MAPK8IP3: variants seen among roughly 807,000 people sequenced by gnomAD.
MAPK8IP3 encodes mitogen-activated protein kinase 8 interacting protein 3, also known as C-Jun-amino-terminal kinase-interacting protein 3.
MAPK8IP3 carries 49 observed loss-of-function variants against 157.8 expected under a neutral mutation model. The ratio of observed to expected loss-of-function variants is 0.31; its 90% CI spans 0.25 to 0.39. The LOEUF is 0.39. Among genes scored for constraint, MAPK8IP3 ranks in the 10% least tolerant of loss-of-function variants. The probability of loss-of-function intolerance (pLI) is 1.00; values close to 1 mark genes in which losing one functional copy is unlikely to be tolerated. For synonymous variants in MAPK8IP3, 897 were observed against 777.7 expected, an observed-to-expected ratio of 1.15 and a Z score of -2.55; for missense variants, 1,478 against 1,889.4, an observed-to-expected ratio of 0.78 and a Z score of 4.04.
chr16:1,748,696 G>A lies in MAPK8IP3; in HGVS notation c.1192G>A (p.Val398Met), dbSNP rs2041115539. The change falls in exon 8 of 32, where the codon GTG (valine) becomes ATG (methionine). Residue 398 changes from valine to methionine, a missense_variant. Val to Met is a conservative substitution (Grantham distance 21). Around this residue, in one of 11 missense-constraint regions of MAPK8IP3, gnomAD observed 315 missense variants for 394.4 expected, o/e 0.80. Transcript: ENST00000610761. ...GGCAGGGTCTGAGGTCATCGGGGAT[G>A]TGGACGAAGGGGCCGACCTCCTAGG... ...STAGSEVIGD[V>M]DEGADLLGEF... 1 of 1,614,214 alleles carries A rather than the reference G, an allele frequency of 6.2e-7. No homozygotes were observed. Among genetic ancestry groups the A allele is most frequent in the Admixed American group, 1.7e-5 (1 of 60,034 alleles).
chr16:1,730,044 CAAAAAAAAAAAA>C (rs58933347), intron 4 of MAPK8IP3, among the ~76,000 whole-genome samples: 60 of 46,982 alleles, frequency 1.3e-3, no homozygotes, highest in Middle Eastern at 0.019. Context: ...CTTGTCTCTA[CAAAAAAAAAAAA>C]AAAAAAAAAA....
intron 8 of MAPK8IP3, chr16:1,748,926 A>G (rs1181873384): frequency 4.2e-6 from 3 of 711,814 alleles, no homozygotes; most frequent in African/African-American, 1.7e-5. Context: ...AAGGATGCCA[A>G]AATCTGAGGC....
chr16:1,728,311 C>G (rs983926351), intron 2 of MAPK8IP3, among the ~76,000 whole-genome samples: 5 of 152,208 alleles, frequency 3.3e-5, no homozygotes, highest in African/African-American at 1.2e-4. Context: ...CCTCCCCAGC[C>G]CTCGGCGTGT....
intron 19 of MAPK8IP3, 87 bp downstream of exon 19, chr16:1,764,546 G>C: frequency 6.7e-7 from 1 of 1,491,026 alleles, no homozygotes; most frequent in Non-Finnish European, 9.0e-7. Context: ...TGAGACACAG[G>C]ACAGCTGGGG....
chr16:1,767,395 G>T (rs1567213065), intron 26 of MAPK8IP3, 98 bp downstream of exon 26: 35 of 1,548,206 alleles, frequency 2.3e-5, no homozygotes, highest in Non-Finnish European at 3.1e-5. Flanking sequence ...CCCTACGTGG[G>T]TCCCATCTCC....
In MAPK8IP3 at chr16:1,743,233, G is replaced by A. The variant is rs2040780061; in HGVS notation, c.603-99G>A. On this transcript the variant is annotated intron_variant, in intron 4 of 31. Transcript: ENST00000610761. This position sits in a 1 kb window ranked among gnomAD's most constrained non-coding sequence, Gnocchi z 5.6. ...GCTGGGCTGCTGGCTGGCATGGAGC[G>A]GCCCCATCACTCGAGGTCTGCTTGC... 9 of 1,435,168 alleles carry A rather than the reference G, an allele frequency of 6.3e-6. No individual in the cohort carries two copies. The highest frequency in any genetic ancestry group is 3.0e-5 in the Admixed American group (1 of 33,774). The allele number at this position is 1,435,168 out of a possible 1,614,324, so 88.9% of individuals were successfully genotyped here. A position where few individuals can be genotyped will look rare whatever the true frequency, so the allele number is the denominator to read the frequency against.
At chr16:1,711,006 A>G (rs1461616650) in intron 1 of MAPK8IP3, among the ~76,000 whole-genome samples, 2 of 152,260 alleles carry the variant, frequency 1.3e-5, no homozygotes. Flanking sequence ...CGCTGGGCGC[A>G]GCCTGCCCCT....
intron 21 of MAPK8IP3, 39 bp downstream of exon 21, chr16:1,766,181 A>G (rs1596805218): frequency 1.2e-6 from 2 of 1,601,308 alleles, no homozygotes; most frequent in Admixed American, 3.3e-5. Context: ...CCTCATTCCC[A>G]CGTTTCTGCC....
intron 5 of MAPK8IP3, chr16:1,744,157 T>A: frequency 1.0e-6 from 1 of 985,642 alleles, no homozygotes; most frequent in Non-Finnish European, 1.2e-6. Context: ...TGCTGCCAGT[T>A]TTGGCCTGTG....
rs568114894 is a variant in MAPK8IP3 at position 1,753,079 on chromosome 16, G to A, written c.1216+4359G>A. 1.1e-3 allele frequency among the ~76,000 whole-genome samples: 175 copies of A among 152,330 alleles called. 3 individuals are homozygous for A. The highest frequency in any genetic ancestry group is 3.9e-4 in the Admixed American group (6 of 15,302). ...TTTCAGAAACACGTCAGCTTTGCACGTGACGGGAGGGTGCTTCTGCCAAAA... is the reference window on the plus strand; with the variant it reads ...TTTCAGAAACACGTCAGCTTTGCACATGACGGGAGGGTGCTTCTGCCAAAA... On this transcript the variant is annotated intron_variant, in intron 8 of 31. Coordinates refer to ENST00000610761, the MANE Select transcript of MAPK8IP3 (RefSeq NM_001318852.2).
At chr16:1,725,148 G>GC (rs2038785864) in intron 2 of MAPK8IP3, among the ~76,000 whole-genome samples, 2 of 123,150 alleles carry the variant, frequency 1.6e-5, no homozygotes, top group African/African-American at 3.7e-5. Context: ...AGCAGAAAGG[G>GC]TTTATTATTA....
Position 1,706,770 on chromosome 16 carries a change from C to T in MAPK8IP3, c.318+113C>T. 8.1e-7 allele frequency: 1 copy of T among 1,232,950 alleles called. No homozygotes were observed. The highest frequency in any genetic ancestry group is 1.6e-5 in the South Asian group (1 of 61,726). The allele number at this position is 1,232,950 out of a possible 1,614,324, so 76.4% of individuals were successfully genotyped here. On this transcript the variant is annotated intron_variant, in intron 1 of 31. Coordinates refer to ENST00000610761, the MANE Select transcript of MAPK8IP3 (RefSeq NM_001318852.2). This position sits in a 1 kb window ranked among gnomAD's most constrained non-coding sequence, Gnocchi z 5.1. ...GACCCCGCTCCGGCACCCCGGACCGCGGGACCCCTGGACCCCCAGACCCCG... is the reference window on the plus strand; with the variant it reads ...GACCCCGCTCCGGCACCCCGGACCGTGGGACCCCTGGACCCCCAGACCCCG...
chr16:1,750,401 C>T (rs1479043134), intron 8 of MAPK8IP3, among the ~76,000 whole-genome samples: 1 of 151,892 alleles, frequency 6.6e-6, no homozygotes, highest in Non-Finnish European at 1.5e-5. Flanking sequence ...TTAGTGCAGA[C>T]GGGGTTTCAC....
In MAPK8IP3 at chr16:1,706,782, A is replaced by G. The variant is rs1466003104; in HGVS notation, c.318+125A>G. The G allele has an allele frequency of 5.0e-6, 5 of 1,000,402 alleles. No homozygotes were observed. Among genetic ancestry groups the G allele is most frequent in the Non-Finnish European group, 5.4e-6 (4 of 747,212 alleles). The allele number at this position is 1,000,402 out of a possible 1,614,324, so 62.0% of individuals were successfully genotyped here. On this transcript the variant is annotated intron_variant, in intron 1 of 31. Transcript: ENST00000610761. The surrounding 1 kb of genome is among the most constrained non-coding windows in gnomAD (Gnocchi z 5.1). ...GCACCCCGGACCGCGGGACCCCTGG[A>G]CCCCCAGACCCCGCCCCGAGACCCG...
chr16:1,763,810 G>A, intron 17 of MAPK8IP3, 27 bp downstream of exon 17: 5 of 1,453,148 alleles, frequency 3.4e-6, no homozygotes, highest in Admixed American at 2.8e-5. Context: ...CGGGGACCGG[G>A]CGGGGCCCCG....
intron 16 of MAPK8IP3, 130 bp downstream of exon 16, chr16:1,763,136 G>C: frequency 1.7e-6 from 2 of 1,206,702 alleles, no homozygotes; most frequent in Non-Finnish European, 2.3e-6. Context: ...ACATGCCAGG[G>C]GCCGTGACCT....
intron 1 of MAPK8IP3, among the ~76,000 whole-genome samples, chr16:1,709,756 T>G (rs34264400): frequency 0.084 from 12,797 of 152,338 alleles, 602 homozygotes; most frequent in African/African-American, 0.11. Flanking sequence ...CCACCACGTT[T>G]GCCGGGCTTA....
At position 1,768,058 on chromosome 16, in the gene MAPK8IP3, C is replaced by G. The variant is rs1266317499; in HGVS notation, c.3524-11C>G. 1 of 1,612,434 alleles carries G rather than the reference C, an allele frequency of 6.2e-7. No individual in the cohort carries two copies. The highest frequency in any genetic ancestry group is 1.3e-5 in the African/African-American group (1 of 75,040). ...CTCTCCTCTTCTCCCATGCTCCTCCCATGTCCCCAGCTGTGGTCCTGCACC... is the reference window on the plus strand; with the variant it reads ...CTCTCCTCTTCTCCCATGCTCCTCCGATGTCCCCAGCTGTGGTCCTGCACC... On this transcript the variant is annotated splice_polypyrimidine_tract_variant and intron_variant, in intron 28 of 31. Coordinates refer to ENST00000610761, the MANE Select transcript of MAPK8IP3 (RefSeq NM_001318852.2).
At chr16:1,730,859 G>T (rs1358448647) in intron 4 of MAPK8IP3, among the ~76,000 whole-genome samples, 3 of 138,798 alleles carry the variant, frequency 2.2e-5, no homozygotes, top group Non-Finnish European at 3.1e-5. Flanking sequence ...AAAAAAAAAG[G>T]GTAGGCACAG....
Sources: gnomAD v4.1 joint callset for allele counts (sites outside exome capture counted in the v4.1 genomes callset) on GRCh38, gnomAD v4.1.1 for gene constraint, gnomAD v4.1.1 regional missense constraint, Gnocchi (gnomAD v3.1) non-coding constraint, MANE v1.5 for transcripts, NCBI Gene and HGNC (gene_info 2026-07-23, HGNC 2026-07-21) for gene names.